Variants in DLG3 observed in about 807,000 individuals in gnomAD.
DLG3 encodes the protein disks large homolog 3.
In DLG3, 1 loss-of-function variant was observed where a neutral mutation model predicts 64.1. The ratio of observed to expected loss-of-function variants is 0.02; its 90% CI spans 0.01 to 0.07. The LOEUF (loss-of-function observed/expected upper bound fraction) is 0.07. Among genes scored for constraint, DLG3 ranks in the 10% least tolerant of loss-of-function variants. The pLI is 1.00. For synonymous variants in DLG3, 245 were observed against 259.8 expected, an observed-to-expected ratio of 0.94 and a Z score of 0.55; for missense variants, 429 against 669.5, an observed-to-expected ratio of 0.64 and a Z score of 3.96.
chrX:70,446,550 G>C (rs1466998237), intron 1 of DLG3, among the ~76,000 whole-genome samples: 2 of 112,817 alleles, frequency 1.8e-5, no homozygotes, highest in Non-Finnish European at 3.8e-5. Flanking sequence ...AGTGGGGCAT[G>C]TCCCCCTTGG....
rs1194371191 is a variant in DLG3, at chrX:70,493,636, G to C, written c.1773+1040G>C. On this transcript the variant is annotated intron_variant, in intron 12 of 18. Transcript: ENST00000374360. ...ATCTACAGAGTCAGGGCAGAAACTG[G>C]TCTGCCTAAGGAGATGTTGGGTTTT... 2.7e-5 allele frequency among the ~76,000 whole-genome samples: 3 copies of C among 112,643 alleles called. No individual in the cohort carries two copies. In the South Asian group the frequency reaches 1.1e-3, roughly 41 times the overall value.
At chrX:70,479,025 G>A in intron 9 of DLG3, 125 bp from the exon 10 acceptor site, 2 of 576,934 alleles carry the variant, frequency 3.5e-6, no homozygotes, top group Non-Finnish European at 5.9e-6. Flanking sequence ...AGCAAAGACT[G>A]AGTGGGCTGG....
intron 9 of DLG3, among the ~76,000 whole-genome samples, chrX:70,466,296 G>GT: frequency 1.2e-5 from 1 of 86,631 alleles, no homozygotes; most frequent in Non-Finnish European, 2.3e-5. Flanking sequence ...TGTGTGTGTG[G>GT]ATTGCCTGTT....
chrX:70,473,598 T>G (rs1244495205), intron 9 of DLG3, among the ~76,000 whole-genome samples: 1 of 111,424 alleles, frequency 9.0e-6, no homozygotes, highest in Non-Finnish European at 1.9e-5. Flanking sequence ...TTTTTTTATT[T>G]TTTTTTATTT....
At chrX:70,495,194 T>C (rs2147879010) in intron 12 of DLG3, among the ~76,000 whole-genome samples, 1 of 111,844 alleles carries the variant, frequency 8.9e-6, no homozygotes, top group East Asian at 2.8e-4. Context: ...GTGGCAAAGT[T>C]CCTGGCCTCA....
chrX:70,488,423 G>T (rs953611285), intron 10 of DLG3, among the ~76,000 whole-genome samples: 22 of 112,248 alleles, frequency 2.0e-4, no homozygotes, highest in African/African-American at 5.8e-4. Context: ...TCTAGATGAG[G>T]CTGTGTGCAT....
intron 9 of DLG3, among the ~76,000 whole-genome samples, chrX:70,464,025 A>C (rs1346370313): frequency 1.8e-5 from 2 of 108,340 alleles, no homozygotes; most frequent in Admixed American, 9.9e-5. Flanking sequence ...TTTTAATTTT[A>C]ATTTTAATTT....
intron 9 of DLG3, among the ~76,000 whole-genome samples, chrX:70,466,487 G>A (rs746847126): frequency 6.8e-4 from 71 of 104,363 alleles, no homozygotes; most frequent in African/African-American, 2.4e-3. Context: ...TGCCCAGGCT[G>A]GAGTGCAGTG....
In DLG3 at chrX:70,452,869, G is replaced by A. The variant is rs772987709; in HGVS notation, c.1146-768G>A. On this transcript the variant is annotated intron_variant, in intron 7 of 18. Coordinates refer to ENST00000374360, the MANE Select transcript of DLG3 (RefSeq NM_021120.4). Reference sequence around the variant, plus strand: ...GCGTGGGGCTTTGGGCTCCTCCGAGGAAAGATGCTTGTAACAAGTGAAGGC... The same window carrying A: ...GCGTGGGGCTTTGGGCTCCTCCGAGAAAAGATGCTTGTAACAAGTGAAGGC... 1.0e-5 allele frequency: 8 copies of A among 768,169 alleles called. No individual in the cohort carries two copies. In the South Asian group the frequency reaches 2.6e-4, roughly 25 times the overall value. 63.3% of individuals were successfully genotyped at this position (768,169 alleles called of 1,213,427 possible). A position where few individuals can be genotyped will look rare whatever the true frequency, so the allele number is the denominator to read the frequency against.
At chrX:70,497,278 C>G (rs780645193) in intron 13 of DLG3, 1 of 1,106,695 alleles carries the variant, frequency 9.0e-7, no homozygotes, top group Admixed American at 2.2e-5. Flanking sequence ...CCCAGCCATC[C>G]TCATTCCAGT....
intron 10 of DLG3, among the ~76,000 whole-genome samples, chrX:70,485,674 C>T (rs1406024758): frequency 1.8e-5 from 2 of 112,150 alleles, no homozygotes; most frequent in Non-Finnish European, 1.9e-5. Flanking sequence ...ATTTGCTTTG[C>T]GTTCCGGTTC....
At chrX:70,500,341 T>G in intron 16 of DLG3, 130 bp from the exon 17 acceptor site, 1 of 584,497 alleles carries the variant, frequency 1.7e-6, no homozygotes, top group Non-Finnish European at 2.9e-6. Flanking sequence ...TAGGCCACTT[T>G]GGGTGGCCCT....
rs2086724545 is a variant in DLG3, at chrX:70,457,226, A to T, written c.1405+2910A>T. Reference sequence around the variant, plus strand: ...GACCATGCTTGTGAACACCTGAGGGACCTAACACCTAGTTAAAAGTGGAGG... The same window carrying T: ...GACCATGCTTGTGAACACCTGAGGGTCCTAACACCTAGTTAAAAGTGGAGG... On this transcript the variant is annotated intron_variant, in intron 9 of 18. Coordinates refer to ENST00000374360, the MANE Select transcript of DLG3 (RefSeq NM_021120.4). Among the ~76,000 whole-genome samples the T allele has an allele frequency of 2.7e-5, 3 of 111,601 alleles. No individual in the cohort carries two copies. The South Asian group carries it at 1.1e-3, about 43-fold the overall frequency.
At chrX:70,478,651 T>A (rs1201308189) in intron 9 of DLG3, among the ~76,000 whole-genome samples, 1 of 111,342 alleles carries the variant, frequency 9.0e-6, no homozygotes, top group Non-Finnish European at 1.9e-5. Context: ...CAAAAAGTCA[T>A]CCTGAAAAAA....
intron 9 of DLG3, among the ~76,000 whole-genome samples, chrX:70,468,317 G>A (rs550413367): frequency 1.8e-5 from 2 of 111,496 alleles, no homozygotes; most frequent in East Asian, 2.8e-4. Context: ...TGATCCGCCC[G>A]CTTCGGCCTC....
At position 70,445,017 on chromosome X, in the gene DLG3, C is replaced by T. The variant is rs1349827645; in HGVS notation, c.-185C>T. On this transcript the variant is annotated 5_prime_UTR_variant, in exon 1 of 19. Coordinates refer to ENST00000374360, the MANE Select transcript of DLG3 (RefSeq NM_021120.4). ...CGGGGCAGCGTGGGGGCCGAGGCCCCGGGACGCCCGCCCGGCCCCAGGCCC... is the reference window on the plus strand; with the variant it reads ...CGGGGCAGCGTGGGGGCCGAGGCCCTGGGACGCCCGCCCGGCCCCAGGCCC... The T allele has an allele frequency of 5.1e-5, 14 of 276,428 alleles. No homozygotes were observed. The highest frequency in any genetic ancestry group is 7.5e-5 in the Non-Finnish European group (12 of 160,901). 22.8% of individuals were successfully genotyped at this position (276,428 alleles called of 1,213,427 possible).
At chrX:70,482,671 T>G (rs978525226) in intron 10 of DLG3, among the ~76,000 whole-genome samples, 5 of 87,830 alleles carry the variant, frequency 5.7e-5, no homozygotes, top group African/African-American at 2.2e-4. Context: ...TGTTTTTTTT[T>G]TTTTTTTTTT....
In DLG3 at chrX:70,502,891, G is replaced by T. The variant is rs1447679826; in HGVS notation, c.*622G>T. On this transcript the variant is annotated 3_prime_UTR_variant, in exon 19 of 19. Transcript: ENST00000374360. ...AAAATCTATGGAGACTTCATCAATG[G>T]TACTATGTTATTAGAGAAATGCTTT... The T allele has an allele frequency of 9.1e-6, 1 of 109,379 alleles. No individual in the cohort carries two copies. Among genetic ancestry groups the T allele is most frequent in the Non-Finnish European group, 1.9e-5 (1 of 52,632 alleles). The allele number at this position is 109,379 out of a possible 1,213,427, so 9.0% of individuals were successfully genotyped here. A position where few individuals can be genotyped will look rare whatever the true frequency, so the allele number is the denominator to read the frequency against.
In DLG3 at chrX:70,446,086, G is replaced by A. The variant is rs953944631; in HGVS notation, c.357+528G>A. On this transcript the variant is annotated intron_variant, in intron 1 of 18. Coordinates refer to ENST00000374360, the MANE Select transcript of DLG3 (RefSeq NM_021120.4). ...CCCTTGATGCCATGAGTCCCTCTCC[G>A]TCCCAGTCCCTTTGTGTGTGAATGT... Among the ~76,000 whole-genome samples the A allele has an allele frequency of 3.6e-5, 4 of 110,964 alleles. No individual in the cohort carries two copies. The South Asian group carries it at 1.2e-3, about 32-fold the overall frequency.
Sources: gnomAD v4.1 joint callset for allele counts (sites outside exome capture counted in the v4.1 genomes callset) on GRCh38, gnomAD v4.1.1 for gene constraint, MANE v1.5 for transcripts, NCBI Gene and HGNC (gene_info 2026-07-23, HGNC 2026-07-21) for gene names.